Variants in RPS6KC1 observed in about 807,000 individuals in gnomAD.
RPS6KC1 encodes inactive ribosomal protein S6 kinase delta-1.
In RPS6KC1, 54 loss-of-function variants were observed where a neutral mutation model predicts 103.8. The observed-to-expected ratio is 0.52, with a 90% CI of 0.42 to 0.65. RPS6KC1 has a LOEUF of 0.65. RPS6KC1 is among the 30% of genes least tolerant of loss of function. The pLI is 0.00. For synonymous variants in RPS6KC1, 439 were observed against 438.7 expected (o/e 1.00, Z -0.01); for missense variants, 1,151 against 1,253.8 (o/e 0.92, Z 1.24).
the RPS6KC1 span, among the ~76,000 whole-genome samples, chr1:213,329,806 C>A: frequency 2.0e-5 from 3 of 152,176 alleles, no homozygotes; most frequent in Non-Finnish European, 4.4e-5. Context: ...CGAGGTCCTT[C>A]TTCTATTGGG....
At chr1:213,538,774 G>A in the RPS6KC1 span, among the ~76,000 whole-genome samples, 1 of 152,142 alleles carries the variant, frequency 6.6e-6, no homozygotes, top group African/African-American at 2.4e-5. Context: ...TACTGGGGGA[G>A]ATAGATAGAC....
the RPS6KC1 span, among the ~76,000 whole-genome samples, chr1:213,568,419 G>T: frequency 6.6e-6 from 1 of 152,192 alleles, no homozygotes; most frequent in South Asian, 2.1e-4. Flanking sequence ...GGTGAGAAGA[G>T]GAGTACCGAG....
chr1:213,605,887 T>A, the RPS6KC1 span, among the ~76,000 whole-genome samples: 2 of 152,060 alleles, frequency 1.3e-5, no homozygotes, highest in African/African-American at 4.8e-5. Context: ...CAACGCCAGG[T>A]GCTGAGAAGG....
chr1:213,140,847 A>ATTTT (rs35374161), intron 6 of RPS6KC1, among the ~76,000 whole-genome samples: 10 of 132,534 alleles, frequency 7.5e-5, no homozygotes, highest in Middle Eastern at 3.9e-3. Context: ...GAATCCCTTG[A>ATTTT]TTTTTTTTTT....
At chr1:213,192,846 T>C (rs2092798799) in intron 8 of RPS6KC1, among the ~76,000 whole-genome samples, 1 of 152,216 alleles carries the variant, frequency 6.6e-6, no homozygotes, top group African/African-American at 2.4e-5. Flanking sequence ...TAAACTGCCC[T>C]CAGTACTGCA....
chr1:213,524,256 T>C, the RPS6KC1 span, among the ~76,000 whole-genome samples: 1 of 151,636 alleles, frequency 6.6e-6, no homozygotes, highest in Non-Finnish European at 1.5e-5. Flanking sequence ...AAAAAAATAG[T>C]ATTGTGCATC....
the RPS6KC1 span, among the ~76,000 whole-genome samples, chr1:213,638,504 T>C: frequency 3.3e-5 from 5 of 152,122 alleles, no homozygotes; most frequent in African/African-American, 1.2e-4. Context: ...AAATCTATGA[T>C]TCACTTTTAG....
At chr1:213,811,948 T>C in the RPS6KC1 span, among the ~76,000 whole-genome samples, 1 of 152,252 alleles carries the variant, frequency 6.6e-6, no homozygotes, top group Non-Finnish European at 1.5e-5. Context: ...TCTTATTTAA[T>C]TCTTGACTCC....
the RPS6KC1 span, among the ~76,000 whole-genome samples, chr1:213,353,355 T>C: frequency 6.6e-6 from 1 of 152,252 alleles, no homozygotes; most frequent in Admixed American, 6.5e-5. Context: ...AAACATATCT[T>C]AGCTCCTTTG....
At chr1:213,438,879 C>T in the RPS6KC1 span, among the ~76,000 whole-genome samples, 11 of 151,012 alleles carry the variant, frequency 7.3e-5, no homozygotes, top group Admixed American at 1.3e-4. Context: ...CTGCAAGCTC[C>T]GCCTCCCGGG....
At chr1:213,117,975 CTG>C (rs560396750) in intron 5 of RPS6KC1, among the ~76,000 whole-genome samples, 1 of 127,228 alleles carries the variant, frequency 7.9e-6, no homozygotes, top group East Asian at 2.3e-4. Flanking sequence ...TGAGCTGAGA[CTG>C]TGCCACTGCA....
At chr1:213,619,207 A>G in the RPS6KC1 span, among the ~76,000 whole-genome samples, 1 of 152,212 alleles carries the variant, frequency 6.6e-6, no homozygotes, top group South Asian at 2.1e-4. Flanking sequence ...AGATCTTCTC[A>G]TGATCACAAG....
intron 6 of RPS6KC1, among the ~76,000 whole-genome samples, chr1:213,165,679 T>C (rs2090901239): frequency 6.6e-6 from 1 of 152,128 alleles, no homozygotes; most frequent in Non-Finnish European, 1.5e-5. Flanking sequence ...CACCTTGGCC[T>C]CCCAAAGTGC....
chr1:213,862,415 G>A, the RPS6KC1 span, among the ~76,000 whole-genome samples: 1 of 152,196 alleles, frequency 6.6e-6, no homozygotes, highest in Non-Finnish European at 1.5e-5. Flanking sequence ...GTGCATGCCA[G>A]CTAGTCTAAG....
intron 6 of RPS6KC1, among the ~76,000 whole-genome samples, chr1:213,136,912 G>C (rs1274791306): frequency 1.3e-5 from 2 of 152,142 alleles, no homozygotes; most frequent in African/African-American, 2.4e-5. Flanking sequence ...TGCCCAGACT[G>C]TCTTGAACTG....
chr1:213,544,959 A>G, the RPS6KC1 span, among the ~76,000 whole-genome samples: 11 of 152,314 alleles, frequency 7.2e-5, no homozygotes, highest in African/African-American at 2.6e-4. Flanking sequence ...TTTGTGGCAA[A>G]GCACCAGAGA....
At chr1:213,628,138 G>C in the RPS6KC1 span, among the ~76,000 whole-genome samples, 1 of 152,122 alleles carries the variant, frequency 6.6e-6, no homozygotes, top group East Asian at 1.9e-4. Flanking sequence ...GTTCTTCCTG[G>C]TTTAGTCTTG....
chr1:213,395,053 G>A, the RPS6KC1 span, among the ~76,000 whole-genome samples: 8 of 152,236 alleles, frequency 5.3e-5, no homozygotes, highest in South Asian at 2.1e-4. Context: ...TTCCCCTGCC[G>A]CAGCTTCCCA....
At chr1:213,098,878 A>C (rs1288398307) in intron 3 of RPS6KC1, among the ~76,000 whole-genome samples, 1 of 152,230 alleles carries the variant, frequency 6.6e-6, no homozygotes, top group African/African-American at 2.4e-5. Flanking sequence ...AAGAGCAGTA[A>C]ATTGAAATTC....
Sources: gnomAD v4.1 joint callset for allele counts (sites outside exome capture counted in the v4.1 genomes callset) on GRCh38, gnomAD v4.1.1 for gene constraint, MANE v1.5 for transcripts, NCBI Gene and HGNC (gene_info 2026-07-23, HGNC 2026-07-21) for gene names.